The following FBXW7 variants were observed in gnomAD, a reference collection of about 807,000 sequenced individuals.
FBXW7 encodes the protein F-box and WD repeat domain containing 7.
FBXW7 carries 11 observed loss-of-function variants against 86.3 expected under a neutral mutation model. That is an observed-to-expected ratio of 0.13 (90% CI 0.08 to 0.21). FBXW7 has a LOEUF of 0.21. Among genes scored for constraint, FBXW7 ranks in the 10% least tolerant of loss-of-function variants. FBXW7 has a pLI of 1.00. For missense variants in FBXW7, 488 were observed against 847.4 expected (o/e 0.58, Z 5.27); for synonymous variants, 313 against 297.9 (o/e 1.05, Z -0.52).
At chr4:152,468,905 C>T (rs75903067) in intron 2 of FBXW7, among the ~76,000 whole-genome samples, 2,061 of 152,048 alleles carry the variant, frequency 0.014, 26 homozygotes, top group Non-Finnish European at 0.02. Context: ...AAATCAGTTA[C>T]CACCTTCTAA....
intron 2 of FBXW7, among the ~76,000 whole-genome samples, chr4:152,514,854 G>A (rs1156353634): frequency 6.6e-6 from 1 of 152,112 alleles, no homozygotes; most frequent in Non-Finnish European, 1.5e-5. Context: ...CCAGCCTCGG[G>A]TATTTACAGC....
intron 4 of FBXW7, among the ~76,000 whole-genome samples, chr4:152,363,610 A>C (rs1224888439): frequency 6.6e-6 from 1 of 152,314 alleles, no homozygotes; most frequent in Non-Finnish European, 1.5e-5. Context: ...CCCACTATCA[A>C]AGATGCTGCA....
chr4:152,417,103 G>C (rs1365987356), intron 2 of FBXW7, among the ~76,000 whole-genome samples: 1 of 152,030 alleles, frequency 6.6e-6, no homozygotes, highest in Non-Finnish European at 1.5e-5. Context: ...TTGTTTCGTT[G>C]AAAGTCAGGG....
At chr4:152,337,997 A>G in intron 6 of FBXW7, 61 bp from the exon 7 acceptor site, 1 of 1,522,702 alleles carries the variant, frequency 6.6e-7, no homozygotes, top group Non-Finnish European at 8.8e-7. Flanking sequence ...ACAGGCTTAT[A>G]AAGGAAAACT....
At chr4:152,346,257 A>C (rs1731252626) in intron 6 of FBXW7, among the ~76,000 whole-genome samples, 1 of 152,208 alleles carries the variant, frequency 6.6e-6, no homozygotes, top group South Asian at 2.1e-4. Context: ...TAAGCCATAT[A>C]CAAGCATGGC....
chr4:152,401,033 GACA>G (rs1440651595), intron 4 of FBXW7, among the ~76,000 whole-genome samples: 3 of 152,150 alleles, frequency 2.0e-5, no homozygotes, highest in Non-Finnish European at 4.4e-5. Flanking sequence ...CCAGAACACT[GACA>G]ACACTATATG....
intron 2 of FBXW7, among the ~76,000 whole-genome samples, chr4:152,447,439 T>C (rs1433760091): frequency 6.6e-6 from 1 of 152,202 alleles, no homozygotes; most frequent in Non-Finnish European, 1.5e-5. Flanking sequence ...GCAAAACTTT[T>C]AAGTAATCAA....
chr4:152,420,781 C>A (rs1211248576), intron 2 of FBXW7, among the ~76,000 whole-genome samples: 1 of 151,858 alleles, frequency 6.6e-6, no homozygotes, highest in Non-Finnish European at 1.5e-5. Context: ...ACATATCTAG[C>A]AAACTGTGCT....
intron 13 of FBXW7, chr4:152,323,383 T>C (rs1044257293): frequency 5.7e-5 from 32 of 563,288 alleles, no homozygotes; most frequent in Admixed American, 3.1e-5. Flanking sequence ...CCAAGAAGCT[T>C]GGTTAGCTAC....
At chr4:152,352,939 C>T in intron 4 of FBXW7, 16 of 1,404,122 alleles carry the variant, frequency 1.1e-5, no homozygotes, top group South Asian at 1.7e-5. Context: ...TATGGTGATC[C>T]GCTCCAGGGA....
At chr4:152,439,699 C>CA (rs1740704702) in intron 2 of FBXW7, among the ~76,000 whole-genome samples, 5 of 151,858 alleles carry the variant, frequency 3.3e-5, no homozygotes, top group African/African-American at 9.7e-5. Flanking sequence ...CCCGTCTCTA[C>CA]TAAAAAATAC....
chr4:152,452,192 T>C (rs1249996470), intron 2 of FBXW7, among the ~76,000 whole-genome samples: 1 of 152,204 alleles, frequency 6.6e-6, no homozygotes, highest in Non-Finnish European at 1.5e-5. Context: ...ATGAAAACTA[T>C]TTAAACTTCT....
intron 4 of FBXW7, among the ~76,000 whole-genome samples, chr4:152,373,938 A>T (rs1304323758): frequency 6.6e-6 from 1 of 152,054 alleles, no homozygotes; most frequent in Non-Finnish European, 1.5e-5. Context: ...AAACATTCTT[A>T]AAGAGAAAAA....
At chr4:152,472,549 T>C (rs1263665563) in intron 2 of FBXW7, among the ~76,000 whole-genome samples, 1 of 152,114 alleles carries the variant, frequency 6.6e-6, no homozygotes, top group African/African-American at 2.4e-5. Flanking sequence ...ATAAATCATA[T>C]AGTCTTATAT....
At chr4:152,338,650 G>A (rs1730404042) in intron 6 of FBXW7, among the ~76,000 whole-genome samples, 1 of 152,024 alleles carries the variant, frequency 6.6e-6, no homozygotes, top group East Asian at 1.9e-4. Context: ...AATGACATCA[G>A]GGGATTATCT....
At chr4:152,392,418 C>T (rs1182666730) in intron 4 of FBXW7, among the ~76,000 whole-genome samples, 5 of 151,940 alleles carry the variant, frequency 3.3e-5, no homozygotes, top group Admixed American at 3.3e-4. Flanking sequence ...CTGAAGAAGC[C>T]CAAACTAGCC....
At chr4:152,481,847 A>G (rs1049252926) in intron 2 of FBXW7, among the ~76,000 whole-genome samples, 1 of 152,212 alleles carries the variant, frequency 6.6e-6, no homozygotes. Context: ...TATAAAAAAG[A>G]GCAAAGAAAG....
intron 2 of FBXW7, among the ~76,000 whole-genome samples, chr4:152,533,507 A>AT (rs1266929002): frequency 6.6e-6 from 1 of 152,242 alleles, no homozygotes; most frequent in African/African-American, 2.4e-5. Flanking sequence ...TTACCAAAGC[A>AT]TAACAAGGCA....
chr4:152,417,820 C>T (rs564896769), intron 2 of FBXW7, among the ~76,000 whole-genome samples: 1 of 152,148 alleles, frequency 6.6e-6, no homozygotes, highest in South Asian at 2.1e-4. Flanking sequence ...TCCATGGCAA[C>T]CACCCCTGGC....
Sources: allele counts gnomAD v4.1 joint callset (sites outside exome capture counted in the v4.1 genomes callset), GRCh38; gene constraint gnomAD v4.1.1; transcripts MANE v1.5; gene names NCBI Gene and HGNC (gene_info 2026-07-23, HGNC 2026-07-21).